The following CSGALNACT1 variants were observed in gnomAD, a reference collection of about 807,000 sequenced individuals.
CSGALNACT1 encodes chondroitin sulfate N-acetylgalactosaminyltransferase 1, also known as beta4GalNAcT-1.
In CSGALNACT1, 52 loss-of-function variants were observed where a neutral mutation model predicts 51.0. The observed-to-expected ratio is 1.02, with a 90% CI of 0.82 to 1.29. CSGALNACT1 has a LOEUF of 1.29. CSGALNACT1 is among the 50% of genes most tolerant of loss of function. The pLI is 0.00. For synonymous variants in CSGALNACT1, 341 were observed against 254.4 expected (o/e 1.34, Z -3.24); for missense variants, 935 against 679.2 (o/e 1.38, Z -4.19).
intron 1 of CSGALNACT1, among the ~76,000 whole-genome samples, chr8:19,736,196 T>G (rs767254844): frequency 2.6e-5 from 4 of 152,210 alleles, no homozygotes; most frequent in Non-Finnish European, 5.9e-5. Flanking sequence ...AATTCAAATT[T>G]CCTTAGCAGG....
intron 3 of CSGALNACT1, among the ~76,000 whole-genome samples, chr8:19,514,502 TATATATATAC>T (rs1434600239): frequency 7.3e-6 from 1 of 137,850 alleles, no homozygotes; most frequent in African/African-American, 2.8e-5. Context: ...TATATATATA[TATATATATAC>T]ATGTATCTAT....
At position 19,586,672 on chromosome 8, in the gene CSGALNACT1, C is replaced by A. The variant is rs76212115; in HGVS notation, c.-297+4488G>T. On this transcript the variant is annotated intron_variant, in intron 3 of 9. Coordinates refer to ENST00000454498, the Ensembl canonical transcript of CSGALNACT1. Reference sequence around the variant, plus strand: ...AAGTCAGACTTGGAATCAGGTTTTCCTGATTTTTCCCAAAATGCAGTACTT... The same window carrying A: ...AAGTCAGACTTGGAATCAGGTTTTCATGATTTTTCCCAAAATGCAGTACTT... Among the ~76,000 whole-genome samples the A allele has an allele frequency of 6.9e-3, 1,047 of 152,124 alleles. 14 individuals are homozygous for A. Among genetic ancestry groups the A allele is most frequent in the African/African-American group, 0.023 (950 of 41,478 alleles).
intron 3 of CSGALNACT1, among the ~76,000 whole-genome samples, chr8:19,553,267 C>T (rs144994652): frequency 1.3e-5 from 2 of 151,896 alleles, no homozygotes; most frequent in African/African-American, 2.4e-5. Flanking sequence ...GTCCACTGAA[C>T]CACACTAAAA....
At chr8:19,436,804 A>T (rs1399102050) in intron 6 of CSGALNACT1, among the ~76,000 whole-genome samples, 2 of 152,166 alleles carry the variant, frequency 1.3e-5, no homozygotes, top group African/African-American at 2.4e-5. Flanking sequence ...CCAGCTACTA[A>T]GGAGGCTAAG....
At chr8:19,666,756 GAAAGAAGAAAGAAAGA>G (rs1475903960) in intron 1 of CSGALNACT1, among the ~76,000 whole-genome samples, 1 of 104,608 alleles carries the variant, frequency 9.6e-6, no homozygotes, top group African/African-American at 3.9e-5. Context: ...AAACAAGAAA[GAAAGAAGAAAGAAAGA>G]AAGAAAGAAA....
intron 4 of CSGALNACT1, among the ~76,000 whole-genome samples, chr8:19,497,173 C>T (rs2075639705): frequency 6.6e-6 from 1 of 152,154 alleles, no homozygotes; most frequent in African/African-American, 2.4e-5. Context: ...TCAGAGACAA[C>T]CCCACTTCCC....
At chr8:19,630,950 G>C (rs1000596906) in intron 1 of CSGALNACT1, among the ~76,000 whole-genome samples, 4 of 152,026 alleles carry the variant, frequency 2.6e-5, no homozygotes, top group Non-Finnish European at 5.9e-5. Context: ...TACAACTGAC[G>C]AGCCAATATT....
At chr8:19,664,233 T>C (rs2058998228) in intron 1 of CSGALNACT1, among the ~76,000 whole-genome samples, 1 of 152,198 alleles carries the variant, frequency 6.6e-6, no homozygotes, top group South Asian at 2.1e-4. Context: ...ATTACTAGTT[T>C]TACAGGATTG....
intron 1 of CSGALNACT1, among the ~76,000 whole-genome samples, chr8:19,700,962 G>C (rs2061832755): frequency 6.6e-6 from 1 of 152,024 alleles, no homozygotes. Context: ...CCAATGAAAT[G>C]TCAGTGGAAG....
At chr8:19,598,188 G>A (rs1015992971) in intron 2 of CSGALNACT1, among the ~76,000 whole-genome samples, 5 of 152,160 alleles carry the variant, frequency 3.3e-5, no homozygotes, top group African/African-American at 1.2e-4. Context: ...AACAGAATGG[G>A]AAAGACAGCA....
Position 19,662,059 on chromosome 8 carries a change from C to T in CSGALNACT1, c.-544+20414G>A, listed in dbSNP as rs375266483. Among the ~76,000 whole-genome samples the T allele has an allele frequency of 7.0e-3, 180 of 25,656 alleles. 6 individuals carry two copies. The South Asian group carries it at 0.13, about 19-fold the overall frequency. The allele number at this position is 25,656 out of a possible 152,430, so 16.8% of individuals were successfully genotyped here. A position where few individuals can be genotyped will look rare whatever the true frequency, so the allele number is the denominator to read the frequency against. On this transcript the variant is annotated intron_variant, in intron 1 of 9. Coordinates refer to the CSGALNACT1 transcript ENST00000332246. ...AACCCCTTTCCCACTATTACAGTTG[C>T]CCCCACCCCCCCCCACCCCCCCCCC...
intron 1 of CSGALNACT1, among the ~76,000 whole-genome samples, chr8:19,712,345 A>T (rs1307277970): frequency 6.6e-6 from 1 of 152,086 alleles, no homozygotes; most frequent in Non-Finnish European, 1.5e-5. Context: ...GCTCTTCAAC[A>T]CTAAAACTCA....
intron 4 of CSGALNACT1, among the ~76,000 whole-genome samples, chr8:19,502,658 C>A (rs190135094): frequency 6.6e-6 from 1 of 152,162 alleles, no homozygotes; most frequent in African/African-American, 2.4e-5. Context: ...AAACCCAAAA[C>A]CTCAAATCAC....
At chr8:19,415,499 A>T (rs2056698315) in intron 8 of CSGALNACT1, among the ~76,000 whole-genome samples, 1 of 152,216 alleles carries the variant, frequency 6.6e-6, no homozygotes, top group African/African-American at 2.4e-5. Flanking sequence ...AGCCTGTGGC[A>T]ACAATGGACA....
chr8:19,431,483 A>G (rs1185262117), intron 6 of CSGALNACT1, among the ~76,000 whole-genome samples: 1 of 151,842 alleles, frequency 6.6e-6, no homozygotes, highest in Non-Finnish European at 1.5e-5. Flanking sequence ...TCGTATATTG[A>G]GCCAAACTTG....
chr8:19,595,029 C>G (rs2048608697), intron 2 of CSGALNACT1, among the ~76,000 whole-genome samples: 1 of 152,148 alleles, frequency 6.6e-6, no homozygotes, highest in African/African-American at 2.4e-5. Flanking sequence ...TTTGTGTCTG[C>G]GGGCTCCCCA....
chr8:19,674,523 G>A (rs965407249), intron 1 of CSGALNACT1, among the ~76,000 whole-genome samples: 2 of 152,182 alleles, frequency 1.3e-5, no homozygotes, highest in Admixed American at 1.3e-4. Flanking sequence ...TAGAGCCAGA[G>A]GAGGGAGAAG....
chr8:19,696,873 G>C (rs2061611052), intron 1 of CSGALNACT1, among the ~76,000 whole-genome samples: 1 of 152,164 alleles, frequency 6.6e-6, no homozygotes, highest in Admixed American at 6.5e-5. Flanking sequence ...GCATTTCCCA[G>C]AAAGACAAGT....
At chr8:19,412,733 A>T (rs1193761083) in intron 8 of CSGALNACT1, among the ~76,000 whole-genome samples, 1 of 152,090 alleles carries the variant, frequency 6.6e-6, no homozygotes, top group African/African-American at 2.4e-5. Context: ...TCACATTTTC[A>T]TCTTGTATTG....
Sources: gnomAD v4.1 joint callset for allele counts (sites outside exome capture counted in the v4.1 genomes callset) on GRCh38, gnomAD v4.1.1 for gene constraint, MANE v1.5 for transcripts, NCBI Gene and HGNC (gene_info 2026-07-23, HGNC 2026-07-21) for gene names.